Variants in MARCHF3 observed in about 807,000 individuals in gnomAD.
MARCHF3 encodes the protein E3 ubiquitin-protein ligase MARCHF3.
MARCHF3 carries 13 observed loss-of-function variants against 24.2 expected under a neutral mutation model. That is an observed-to-expected ratio of 0.54 (90% CI 0.35 to 0.85). The LOEUF is 0.85. Among genes scored for constraint, MARCHF3 ranks in the 40% least tolerant of loss-of-function variants. The probability of loss-of-function intolerance (pLI) is 0.01; values close to 1 mark genes in which losing one functional copy is unlikely to be tolerated. For missense variants in MARCHF3, 276 were observed against 325.0 expected, an observed-to-expected ratio of 0.85 and a Z score of 1.16; for synonymous variants, 144 against 137.3, an observed-to-expected ratio of 1.05 and a Z score of -0.34.
chr5:126,898,336 T>C (rs1010021244), intron 3 of MARCHF3, among the ~76,000 whole-genome samples: 5 of 152,220 alleles, frequency 3.3e-5, no homozygotes, highest in Admixed American at 6.6e-5. Context: ...AATTCTATTA[T>C]GTAGGTATTT....
rs1752863458 is a variant in MARCHF3 at position 126,868,973 on chromosome 5, C to T, written c.*1660G>A. Reference sequence around the variant, plus strand: ...ACATATATTACTGGAATTGAAGTGTCCCAGTGAAGCGTGGTGGGGAGGAAA... The same window carrying T: ...ACATATATTACTGGAATTGAAGTGTTCCAGTGAAGCGTGGTGGGGAGGAAA... On this transcript the variant is annotated 3_prime_UTR_variant, in exon 5 of 5. Coordinates refer to ENST00000308660, the MANE Select transcript of MARCHF3 (RefSeq NM_178450.5). The T allele has an allele frequency of 6.6e-6, 1 of 152,226 alleles. No individual in the cohort carries two copies. 9.4% of individuals were successfully genotyped at this position (152,226 alleles called of 1,614,324 possible).
intron 3 of MARCHF3, among the ~76,000 whole-genome samples, chr5:126,880,215 G>C (rs967557554): frequency 4.6e-5 from 7 of 152,140 alleles, no homozygotes; most frequent in African/African-American, 1.7e-4. Context: ...TTTTCTGGGA[G>C]GTGCCCTTCC....
chr5:126,961,934 C>T (rs1042815070), intron 1 of MARCHF3, among the ~76,000 whole-genome samples: 2 of 152,124 alleles, frequency 1.3e-5, no homozygotes, highest in Non-Finnish European at 2.9e-5. Flanking sequence ...TGTTTCACAA[C>T]CCCAGTGATA....
chr5:126,918,488 G>A (rs1429169341), intron 1 of MARCHF3, among the ~76,000 whole-genome samples: 3 of 152,132 alleles, frequency 2.0e-5, no homozygotes, highest in Admixed American at 6.5e-5. Context: ...TGCTTTCCAC[G>A]AGGGGACAGA....
chr5:127,015,976 T>C (rs377074331), intron 1 of MARCHF3, among the ~76,000 whole-genome samples: 27 of 152,206 alleles, frequency 1.8e-4, no homozygotes, highest in East Asian at 1.3e-3. Flanking sequence ...GCCCTCTGCA[T>C]TATCAGATCA....
chr5:126,966,133 A>C (rs924176805), intron 1 of MARCHF3, among the ~76,000 whole-genome samples: 2 of 152,182 alleles, frequency 1.3e-5, no homozygotes, highest in Non-Finnish European at 2.9e-5. Flanking sequence ...CTAGAGGCAA[A>C]ATTAATCAAT....
At chr5:126,885,521 T>A (rs1753484575) in intron 3 of MARCHF3, among the ~76,000 whole-genome samples, 1 of 149,004 alleles carries the variant, frequency 6.7e-6, no homozygotes, top group East Asian at 2.2e-4. Context: ...GAGCTGAGAT[T>A]GTGCCATTGC....
intron 1 of MARCHF3, among the ~76,000 whole-genome samples, chr5:126,939,913 C>T (rs1385875780): frequency 6.6e-6 from 1 of 152,076 alleles, no homozygotes; most frequent in African/African-American, 2.4e-5. Context: ...CGTGCATGAA[C>T]GAAGCTTACC....
intron 1 of MARCHF3, among the ~76,000 whole-genome samples, chr5:126,926,291 T>C (rs1749295334): frequency 6.6e-6 from 1 of 152,176 alleles, no homozygotes; most frequent in Non-Finnish European, 1.5e-5. Flanking sequence ...TCTTGTCCAC[T>C]GGCAGGGCAG....
intron 3 of MARCHF3, among the ~76,000 whole-genome samples, chr5:126,904,121 C>T (rs373935683): frequency 0.013 from 1,895 of 149,108 alleles, 33 homozygotes; most frequent in African/African-American, 0.039. Flanking sequence ...ATTTCATCCA[C>T]GTCCCTACAA....
intron 1 of MARCHF3, among the ~76,000 whole-genome samples, chr5:126,926,227 G>T (rs536143915): frequency 6.6e-6 from 1 of 152,162 alleles, no homozygotes; most frequent in Non-Finnish European, 1.5e-5. Flanking sequence ...TTAAATCAGG[G>T]TTCCTTGGAA....
At chr5:127,008,068 G>A (rs1371217389) in intron 1 of MARCHF3, among the ~76,000 whole-genome samples, 1 of 152,020 alleles carries the variant, frequency 6.6e-6, no homozygotes, top group Non-Finnish European at 1.5e-5. Flanking sequence ...AGGTGCAAAT[G>A]TCAATCCATG....
rs148585677 is a variant in MARCHF3, at chr5:126,909,767, G to A, written c.393+5163C>T. ...TCAGATGGAAATGCAGAAATCACCC[G>A]TCTTCTGCGTTGCTCACGCTGGGAG... On this transcript the variant is annotated intron_variant, in intron 3 of 4. Coordinates refer to ENST00000308660, the MANE Select transcript of MARCHF3 (RefSeq NM_178450.5). Among the ~76,000 whole-genome samples the A allele has an allele frequency of 4.2e-3, 641 of 152,224 alleles. 4 individuals carry two copies. The highest frequency in any genetic ancestry group is 0.012 in the African/African-American group (508 of 41,524).
intron 1 of MARCHF3, among the ~76,000 whole-genome samples, chr5:127,012,825 T>A (rs1752512899): frequency 6.6e-6 from 1 of 152,250 alleles, no homozygotes; most frequent in Non-Finnish European, 1.5e-5. Flanking sequence ...CAAATTTATG[T>A]GTGTGTGTAA....
chr5:126,879,736 T>G (rs1323857021), intron 3 of MARCHF3, among the ~76,000 whole-genome samples: 6 of 152,292 alleles, frequency 3.9e-5, no homozygotes, highest in Non-Finnish European at 2.9e-5. Context: ...TACAGATAAT[T>G]TGACATTCCC....
intron 1 of MARCHF3, among the ~76,000 whole-genome samples, chr5:126,991,508 T>G (rs185719991): frequency 3.3e-5 from 5 of 152,152 alleles, no homozygotes; most frequent in African/African-American, 1.2e-4. Context: ...GTAACAAACC[T>G]GCACGTTGTG....
At chr5:126,978,250 T>C (rs1751270179) in intron 1 of MARCHF3, among the ~76,000 whole-genome samples, 2 of 152,194 alleles carry the variant, frequency 1.3e-5, no homozygotes, top group African/African-American at 4.8e-5. Context: ...AAGTACTACA[T>C]GTGACCTAAA....
chr5:126,903,041 CT>C (rs1236036581), intron 3 of MARCHF3, among the ~76,000 whole-genome samples: 1 of 152,060 alleles, frequency 6.6e-6, no homozygotes, highest in African/African-American at 2.4e-5. Context: ...GTTCATTTAC[CT>C]TGTGATTTTG....
chr5:126,898,693 C>T lies in MARCHF3; in HGVS notation c.393+16237G>A, dbSNP rs556015693. On this transcript the variant is annotated intron_variant, in intron 3 of 4. Transcript: ENST00000308660. ...CTTCCCAGATGTAAGTCCTTAAATGCCTATAAATTCTATTTTACAACTTTT... is the reference window on the plus strand; with the variant it reads ...CTTCCCAGATGTAAGTCCTTAAATGTCTATAAATTCTATTTTACAACTTTT... 7.2e-5 allele frequency among the ~76,000 whole-genome samples: 11 copies of T among 152,134 alleles called. No homozygotes were observed. In the South Asian group the frequency reaches 2.3e-3, roughly 32 times the overall value.
Sources: gnomAD v4.1 joint callset for allele counts (sites outside exome capture counted in the v4.1 genomes callset) on GRCh38, gnomAD v4.1.1 for gene constraint, MANE v1.5 for transcripts, NCBI Gene and HGNC (gene_info 2026-07-23, HGNC 2026-07-21) for gene names.